RPLP1: variants seen among roughly 807,000 people sequenced by gnomAD.
The protein encoded by RPLP1 is large ribosomal subunit protein P1.
RPLP1 carries 4 observed loss-of-function variants against 11.6 expected under a neutral mutation model. The observed-to-expected ratio is 0.34, with a 90% CI of 0.17 to 0.79. The LOEUF (loss-of-function observed/expected upper bound fraction) is 0.79, where lower values mean the gene tolerates loss of function less well. Among genes scored for constraint, RPLP1 ranks in the 30% least tolerant of loss-of-function variants. The pLI is 0.55. For missense variants in RPLP1, 133 were observed against 142.8 expected (o/e 0.93, Z 0.35); for synonymous variants, 54 against 52.2 (o/e 1.03, Z -0.15).
At position 69,455,606 on chromosome 15, in the gene RPLP1, A is replaced by G; in HGVS notation, c.*99A>G. ...CTCTGCAAAAATGGTCTGTTTTGTA[A>G]TGTTGGCTTTCAGCCTATTCTGCCA... On this transcript the variant is annotated 3_prime_UTR_variant, in exon 4 of 4. Coordinates refer to ENST00000260379, the MANE Select transcript of RPLP1 (RefSeq NM_001003.3). 1.1e-6 allele frequency: 1 copy of G among 896,708 alleles called. No homozygotes were observed. The highest frequency in any genetic ancestry group is 1.6e-5 in the South Asian group (1 of 61,450). 55.5% of individuals were successfully genotyped at this position (896,708 alleles called of 1,614,324 possible). A position where few individuals can be genotyped will look rare whatever the true frequency, so the allele number is the denominator to read the frequency against.
chr15:69,453,757 C>G, intron 2 of RPLP1, 36 bp downstream of exon 2: 1 of 1,611,326 alleles, frequency 6.2e-7, no homozygotes. Flanking sequence ...GTGGTAAGGC[C>G]TGCTGATTTA....
rs1804203 is a variant in RPLP1, at chr15:69,455,258, G to T, written c.236G>T (p.Gly79Val). Residue 79 changes from glycine to valine, a missense_variant, in exon 3 of 4, where the codon GGT (glycine) becomes GTT (valine). Physicochemically the swap from Gly to Val is moderately radical, Grantham distance 109. Coordinates refer to ENST00000260379, the MANE Select transcript of RPLP1 (RefSeq NM_001003.3). Reference sequence around the variant, plus strand: ...GCAGCTGGTGCTGCACCAGCAGGAGGTCCTGCCCCCTCCACTGCTGCTGCT... The same window carrying T: ...GCAGCTGGTGCTGCACCAGCAGGAGTTCCTGCCCCCTCCACTGCTGCTGCT... ...APAAGAAPAG[G>V]PAPSTAAAPA... 7.1e-5 allele frequency: 112 copies of T among 1,582,742 alleles called. No individual in the cohort carries two copies. In the South Asian group the frequency reaches 1.3e-3, roughly 18 times the overall value.
chr15:69,453,381 G>A lies in RPLP1; in HGVS notation c.73-266G>A, dbSNP rs1470669997. The A allele has an allele frequency of 1.9e-5, 11 of 581,688 alleles. 1 individual carries two copies. Among genetic ancestry groups the A allele is most frequent in the South Asian group, 1.3e-4 (6 of 47,724 alleles). 36.0% of individuals were successfully genotyped at this position (581,688 alleles called of 1,614,324 possible). ...CGGTGTAATTGCCTTGAATTCCCCC[G>A]GTCGTGGAGGAAGGCGCCCGAGCTC... On this transcript the variant is annotated intron_variant, in intron 1 of 3. Transcript: ENST00000260379.
intron 2 of RPLP1, chr15:69,454,043 CT>C (rs968949268): frequency 2.0e-3 from 584 of 295,730 alleles, no homozygotes; most frequent in South Asian, 3.8e-3. Context: ...TTTTCTTTTT[CT>C]TTTTTTTTTC....
Position 69,452,866 on chromosome 15 carries a change from AAGGCTGCGTTGGGGTG to A in RPLP1, c.-78_-63del. On this transcript the variant is annotated 5_prime_UTR_variant, in exon 1 of 4. Transcript: ENST00000260379. ...GGTGCTCGGTCCTTCCGAGGAAGCT[AAGGCTGCGTTGGGGTG>A]AGGCCCTCACTTCATCCGGCGACTA... 7.8e-7 allele frequency: 1 copy of A among 1,289,986 alleles called. No homozygotes were observed. 79.9% of individuals were successfully genotyped at this position (1,289,986 alleles called of 1,614,324 possible).
Position 69,455,622 on chromosome 15 carries a change from T to C in RPLP1, c.*115T>C, listed in dbSNP as rs1050913476. Reference sequence around the variant, plus strand: ...TGTTTTGTAATGTTGGCTTTCAGCCTATTCTGCCATGACACAGGCTGGATT... The same window carrying C: ...TGTTTTGTAATGTTGGCTTTCAGCCCATTCTGCCATGACACAGGCTGGATT... On this transcript the variant is annotated 3_prime_UTR_variant, in exon 4 of 4. Transcript: ENST00000260379. 4.0e-6 allele frequency: 3 copies of C among 750,364 alleles called. No individual in the cohort carries two copies. In the Admixed American group the frequency reaches 8.7e-5, roughly 22 times the overall value. The allele number at this position is 750,364 out of a possible 1,614,324, so 46.5% of individuals were successfully genotyped here. A position where few individuals can be genotyped will look rare whatever the true frequency, so the allele number is the denominator to read the frequency against.
chr15:69,455,047 T>G, intron 2 of RPLP1, 123 bp from the exon 3 acceptor site: 2 of 1,360,816 alleles, frequency 1.5e-6, no homozygotes, highest in African/African-American at 1.5e-5. Flanking sequence ...TGGAACTCAC[T>G]GTATATAGTG....
At chr15:69,453,128 C>A in intron 1 of RPLP1, 108 bp downstream of exon 1, 1 of 1,067,762 alleles carries the variant, frequency 9.4e-7, no homozygotes, top group Non-Finnish European at 1.4e-6. Context: ...CCGGCCGGGG[C>A]CAGGCCGCGA....
chr15:69,453,713 T>C lies in RPLP1; in HGVS notation c.139T>C (p.Phe47Leu), dbSNP rs768169407. ...TGTTGAGCCTTTTTGGCCTGGCTTG[T>C]TTGCAAAGGTAAGGTGATGGTGGCA... is the stretch of plus-strand genomic sequence containing the variant. ...VNVEPFWPGL[F>L]AKALANVNIG... Residue 47 changes from phenylalanine to leucine, a missense_variant, in exon 2 of 4, where the codon TTT becomes CTT. By Grantham distance (22) the Phe-to-Leu change is conservative. Coordinates refer to ENST00000260379, the MANE Select transcript of RPLP1 (RefSeq NM_001003.3). The C allele has an allele frequency of 1.9e-6, 3 of 1,614,038 alleles. No individual in the cohort carries two copies. The highest frequency in any genetic ancestry group is 3.3e-5 in the Admixed American group (2 of 60,000).
In RPLP1 at chr15:69,455,527, C is replaced by T. The variant is rs548004580; in HGVS notation, c.*20C>T. On this transcript the variant is annotated 3_prime_UTR_variant, in exon 4 of 4. Coordinates refer to ENST00000260379, the MANE Select transcript of RPLP1 (RefSeq NM_001003.3). ...GACTAAACCTCTTTTATAACATGTT[C>T]AATAAAAAGCTGAACTTTACTGCTG... The T allele has an allele frequency of 6.4e-6, 10 of 1,552,228 alleles. No homozygotes were observed. In the African/African-American group the frequency reaches 1.4e-4, roughly 21 times the overall value.
Position 69,455,782 on chromosome 15 carries a change from C to T in RPLP1, c.*275C>T, listed in dbSNP as rs1176360279. ...AGAGCAGATGCTTTGTCCAGGTTAC[C>T]TGTGTAAACTTGATGATTATAAGGT... On this transcript the variant is annotated 3_prime_UTR_variant, in exon 4 of 4. Transcript: ENST00000260379. 2.4e-6 allele frequency: 1 copy of T among 425,502 alleles called. No individual in the cohort carries two copies. The highest frequency in any genetic ancestry group is 4.3e-5 in the East Asian group (1 of 23,320). The allele number at this position is 425,502 out of a possible 1,614,324, so 26.4% of individuals were successfully genotyped here.
intron 2 of RPLP1, chr15:69,453,962 C>G: frequency 1.8e-6 from 1 of 560,210 alleles, no homozygotes; most frequent in South Asian, 2.3e-5. Context: ...AAATGTGAAT[C>G]AGGTCATTTA....
intron 2 of RPLP1, 146 bp downstream of exon 2, chr15:69,453,867 G>A (rs919204893): frequency 4.3e-6 from 3 of 700,952 alleles, no homozygotes; most frequent in East Asian, 2.6e-5. Context: ...ATATCTCTAG[G>A]AGCTAATAAG....
chr15:69,453,898 A>C (rs992793879), intron 2 of RPLP1, 177 bp downstream of exon 2: 26 of 616,330 alleles, frequency 4.2e-5, no homozygotes, highest in Non-Finnish European at 6.3e-5. Flanking sequence ...GTCAAGTCTT[A>C]CGTTTCCTTA....
chr15:69,453,015 G>A lies in RPLP1; in HGVS notation c.67G>A (p.Val23Ile). The change falls in exon 1 of 4, where the codon GTC (valine) becomes ATC (isoleucine). Residue 23 changes from valine to isoleucine, a missense_variant. Physicochemically the swap from Val to Ile is conservative, Grantham distance 29. Coordinates refer to ENST00000260379, the MANE Select transcript of RPLP1 (RefSeq NM_001003.3). ...CATTCTGCACGACGATGAGGTGACA[G>A]TCACGGTGAGTGCGGGCGCGGGCCG... is the stretch of plus-strand genomic sequence containing the variant. ...ALILHDDEVTVTEDKINALIK... is the reference protein window; with the variant it reads ...ALILHDDEVTITEDKINALIK... The A allele has an allele frequency of 6.4e-7, 1 of 1,567,460 alleles. No homozygotes were observed. Among genetic ancestry groups the A allele is most frequent in the Non-Finnish European group, 8.6e-7 (1 of 1,158,740 alleles).
At chr15:69,453,461 C>G in intron 1 of RPLP1, 186 bp from the exon 2 acceptor site, 1 of 661,908 alleles carries the variant, frequency 1.5e-6, no homozygotes. Context: ...TCAGGCAAGT[C>G]CCAGCCCGTG....
At chr15:69,453,206 G>A in intron 1 of RPLP1, 186 bp downstream of exon 1, 2 of 613,218 alleles carry the variant, frequency 3.3e-6, no homozygotes, top group Admixed American at 3.0e-5. Context: ...CTGGGCCCCC[G>A]GGACCACGTG....
At chr15:69,455,057 G>A (rs930171298) in intron 2 of RPLP1, 113 bp from the exon 3 acceptor site, 1 of 1,451,726 alleles carries the variant, frequency 6.9e-7, no homozygotes, top group African/African-American at 1.4e-5. Flanking sequence ...TGTATATAGT[G>A]TTAGGGGTTG....
At chr15:69,453,379 C>T in intron 1 of RPLP1, 1 of 582,570 alleles carries the variant, frequency 1.7e-6, no homozygotes, top group Non-Finnish European at 3.0e-6. Context: ...TTGAATTCCC[C>T]CGGTCGTGGA....
Sources: allele counts gnomAD v4.1 joint callset, GRCh38; gene constraint gnomAD v4.1.1; transcripts MANE v1.5; gene names NCBI Gene and HGNC (gene_info 2026-07-23, HGNC 2026-07-21).